The following ST6GALNAC3 variants were observed in gnomAD, a reference collection of about 807,000 sequenced individuals.
ST6GALNAC3 encodes the protein ST6 N-acetylgalactosaminide alpha-2,6-sialyltransferase 3.
In ST6GALNAC3, 25 loss-of-function variants were observed where a neutral mutation model predicts 32.7. That is an observed-to-expected ratio of 0.76 (90% confidence interval 0.56 to 1.07). The LOEUF (loss-of-function observed/expected upper bound fraction) is 1.07, where lower values mean the gene tolerates loss of function less well. Ranked by LOEUF, ST6GALNAC3 falls within the 50% of genes least tolerant of loss-of-function variation. The probability of loss-of-function intolerance (pLI) is 0.00; values close to 1 mark genes in which losing one functional copy is unlikely to be tolerated. For missense variants in ST6GALNAC3, 355 were observed against 382.4 expected (o/e 0.93, Z 0.60); for synonymous variants, 129 against 133.1 (o/e 0.97, Z 0.21).
intron 1 of ST6GALNAC3, among the ~76,000 whole-genome samples, chr1:76,136,438 T>C (rs941987689): frequency 1.3e-5 from 2 of 152,200 alleles, no homozygotes; most frequent in African/African-American, 4.8e-5. Flanking sequence ...ACAAACTCAA[T>C]TGTAATCTAA....
intron 2 of ST6GALNAC3, among the ~76,000 whole-genome samples, chr1:76,401,910 A>T (rs1653448937): frequency 6.6e-6 from 1 of 152,150 alleles, no homozygotes; most frequent in Non-Finnish European, 1.5e-5. Flanking sequence ...GAGCTCACCT[A>T]TTCCTTCCAG....
chr1:76,462,609 G>A (rs1279825737), intron 3 of ST6GALNAC3, among the ~76,000 whole-genome samples: 2 of 152,082 alleles, frequency 1.3e-5, no homozygotes, highest in African/African-American at 4.8e-5. Flanking sequence ...ATTTGTTTCA[G>A]ATGGATAGAT....
chr1:76,436,214 C>T (rs1323183521), intron 3 of ST6GALNAC3, among the ~76,000 whole-genome samples: 2 of 152,108 alleles, frequency 1.3e-5, no homozygotes, highest in East Asian at 3.9e-4. Flanking sequence ...TTCCTAAACT[C>T]ACTTAAGCTC....
In ST6GALNAC3 at chr1:76,365,550, T is replaced by C. The variant is rs1333319938; in HGVS notation, c.214-46458T>C. Reference sequence around the variant, plus strand: ...AGCTATTACTTTTGTTTTAACACTATAGTGAATAGAATTTTCTGTGTTGTT... The same window carrying C: ...AGCTATTACTTTTGTTTTAACACTACAGTGAATAGAATTTTCTGTGTTGTT... On this transcript the variant is annotated intron_variant, in intron 2 of 4. Coordinates refer to ENST00000328299, the MANE Select transcript of ST6GALNAC3 (RefSeq NM_152996.4). 2.0e-5 allele frequency among the ~76,000 whole-genome samples: 3 copies of C among 152,242 alleles called. No homozygotes were observed. In the East Asian group the frequency reaches 5.8e-4, roughly 29 times the overall value.
At chr1:76,350,007 T>C (rs1648838143) in intron 2 of ST6GALNAC3, among the ~76,000 whole-genome samples, 1 of 152,166 alleles carries the variant, frequency 6.6e-6, no homozygotes, top group Admixed American at 6.5e-5. Context: ...CTATAAAAGT[T>C]GAAAAATGGT....
chr1:76,150,706 C>T (rs1388756492), intron 1 of ST6GALNAC3, among the ~76,000 whole-genome samples: 1 of 152,168 alleles, frequency 6.6e-6, no homozygotes, highest in Non-Finnish European at 1.5e-5. Flanking sequence ...ACAGCGTACA[C>T]TCCCTGCTTC....
intron 1 of ST6GALNAC3, among the ~76,000 whole-genome samples, chr1:76,112,411 G>C (rs552150143): frequency 1.4e-5 from 2 of 146,980 alleles, no homozygotes; most frequent in African/African-American, 5.2e-5. Flanking sequence ...CGGCTGGCCG[G>C]GCGGGGGGCT....
intron 3 of ST6GALNAC3, among the ~76,000 whole-genome samples, chr1:76,612,365 G>A (rs1647992141): frequency 6.6e-6 from 1 of 152,146 alleles, no homozygotes; most frequent in African/African-American, 2.4e-5. Flanking sequence ...GGGAAGCAAA[G>A]AAACAGATGC....
rs190761051 is a variant in ST6GALNAC3, at chr1:76,428,208, A to C, written c.623+15791A>C. On this transcript the variant is annotated intron_variant, in intron 3 of 4. Coordinates refer to ENST00000328299, the MANE Select transcript of ST6GALNAC3 (RefSeq NM_152996.4). ...CGGTTCATCAGCATCTTACTTCCTG[A>C]CATACAACCCTGAAATTGAACAATT... 5.2e-3 allele frequency among the ~76,000 whole-genome samples: 791 copies of C among 152,174 alleles called. 8 individuals are homozygous for C. Among genetic ancestry groups the C allele is most frequent in the African/African-American group, 0.018 (760 of 41,530 alleles).
chr1:76,609,283 GA>G (rs1647766977), intron 3 of ST6GALNAC3, among the ~76,000 whole-genome samples: 1 of 151,746 alleles, frequency 6.6e-6, no homozygotes, highest in South Asian at 2.1e-4. Context: ...GGACCTTAAT[GA>G]AAAAAAGATA....
intron 1 of ST6GALNAC3, among the ~76,000 whole-genome samples, chr1:76,199,985 TTGTGTATTCAAATGGAAAAA>T (rs1444164780): frequency 2.6e-5 from 4 of 152,208 alleles, no homozygotes; most frequent in Admixed American, 6.5e-5. Flanking sequence ...GAGAGCTTGT[TTGTGTATTCAAATGGAAAAA>T]TGTGGGTGGA....
At chr1:76,483,787 G>A (rs1659903419) in intron 3 of ST6GALNAC3, among the ~76,000 whole-genome samples, 1 of 152,170 alleles carries the variant, frequency 6.6e-6, no homozygotes, top group African/African-American at 2.4e-5. Flanking sequence ...TAGACATGAA[G>A]TCCTTGCCCA....
At chr1:76,075,061 G>A (rs1351710884) in intron 1 of ST6GALNAC3, among the ~76,000 whole-genome samples, 177 bp downstream of exon 1, 2 of 152,234 alleles carry the variant, frequency 1.3e-5, no homozygotes, top group African/African-American at 4.8e-5. Flanking sequence ...CATGCAGCTG[G>A]CACAGCTTCT....
intron 1 of ST6GALNAC3, among the ~76,000 whole-genome samples, chr1:76,303,058 CAGAAAGCAACCAATCAGAGGCTGAG>C (rs1196657856): frequency 9.8e-6 from 1 of 101,698 alleles, no homozygotes; most frequent in Non-Finnish European, 2.4e-5. Flanking sequence ...CGATTGGTTG[CAGAAAGCAACCAATCAGAGGCTGAG>C]TTACAAAGGT....
intron 2 of ST6GALNAC3, among the ~76,000 whole-genome samples, chr1:76,378,274 C>G (rs1040256309): frequency 6.6e-5 from 10 of 152,162 alleles, no homozygotes; most frequent in Non-Finnish European, 1.3e-4. Flanking sequence ...TTTTTCCTGT[C>G]TTTCTAGGCA....
At chr1:76,240,158 T>A (rs1401676365) in intron 1 of ST6GALNAC3, among the ~76,000 whole-genome samples, 2 of 152,218 alleles carry the variant, frequency 1.3e-5, no homozygotes, top group African/African-American at 4.8e-5. Flanking sequence ...AGTGTCTTGC[T>A]GTACAAGCAT....
chr1:76,562,488 A>G (rs1665301308), intron 3 of ST6GALNAC3, among the ~76,000 whole-genome samples: 1 of 152,188 alleles, frequency 6.6e-6, no homozygotes. Context: ...TCTCTACATC[A>G]TCAACACCCA....
At chr1:76,080,303 T>C (rs541432147) in intron 1 of ST6GALNAC3, among the ~76,000 whole-genome samples, 1 of 152,320 alleles carries the variant, frequency 6.6e-6, no homozygotes, top group Non-Finnish European at 1.5e-5. Context: ...TTAATTTTTT[T>C]TTATGTCAGT....
intron 4 of ST6GALNAC3, 84 bp downstream of exon 4, chr1:76,627,643 C>A: frequency 9.7e-7 from 1 of 1,025,670 alleles, no homozygotes; most frequent in Non-Finnish European, 1.5e-6. Context: ...TACCATAAAT[C>A]TGAGAAACAG....
Sources: allele counts gnomAD v4.1 joint callset (sites outside exome capture counted in the v4.1 genomes callset), GRCh38; gene constraint gnomAD v4.1.1; transcripts MANE v1.5; gene names NCBI Gene and HGNC (gene_info 2026-07-23, HGNC 2026-07-21).